The following CD99 variants were observed in gnomAD, a reference collection of about 807,000 sequenced individuals.
CD99 encodes the protein CD99 molecule (Xg blood group).
A neutral mutation model predicts 28.4 loss-of-function variants in CD99; 19 were observed. The ratio of observed to expected loss-of-function variants is 0.67; its 90% confidence interval spans 0.47 to 0.98. CD99 has a LOEUF of 0.98. Among genes scored for constraint, CD99 ranks in the 50% least tolerant of loss-of-function variants. CD99 has a pLI of 0.00. For synonymous variants in CD99, 103 were observed against 92.1 expected, an observed-to-expected ratio of 1.12 and a Z score of -0.67; for missense variants, 283 against 248.8, an observed-to-expected ratio of 1.14 and a Z score of -0.92.
At chrX:2,727,221 G>GT in intron 8 of CD99, 2 of 747,200 alleles carry the variant, frequency 2.7e-6, no homozygotes, top group Non-Finnish European at 5.0e-6. Flanking sequence ...GACCTGGGAA[G>GT]TTTCTTGGAT....
At chrX:2,710,797 T>A (rs1297760015) in intron 1 of CD99, among the ~76,000 whole-genome samples, 1 of 151,376 alleles carries the variant, frequency 6.6e-6, no homozygotes, top group African/African-American at 2.4e-5. Context: ...TTGAGGAAAT[T>A]GAAACAGTTA....
chrX:2,693,031 C>T (rs1402633549), intron 1 of CD99, among the ~76,000 whole-genome samples: 1 of 152,146 alleles, frequency 6.6e-6, no homozygotes, highest in Non-Finnish European at 1.5e-5. Flanking sequence ...GCCCTAGGGA[C>T]AGATTTGCCG....
At chrX:2,738,084 C>G (rs771209967) in intron 8 of CD99, 116 bp from the exon 9 acceptor site, 13 of 909,974 alleles carry the variant, frequency 1.4e-5, no homozygotes, top group Non-Finnish European at 2.2e-5. Context: ...ACTGAGTGCT[C>G]TCATCCAAGC....
At chrX:2,740,106 A>G (rs1231691194) in intron 9 of CD99, among the ~76,000 whole-genome samples, 3 of 151,764 alleles carry the variant, frequency 2.0e-5, no homozygotes, top group Non-Finnish European at 4.4e-5. Context: ...AATAATAATA[A>G]TAATAATAAA....
At chrX:2,737,876 T>A (rs2050024087) in intron 8 of CD99, 2 of 499,978 alleles carry the variant, frequency 4.0e-6, no homozygotes, top group Non-Finnish European at 7.4e-6. Context: ...TTTTTTTTTT[T>A]ATAGAAAGAG....
intron 1 of CD99, among the ~76,000 whole-genome samples, chrX:2,702,467 C>T (rs1311981472): frequency 6.6e-6 from 1 of 152,186 alleles, no homozygotes; most frequent in Non-Finnish European, 1.5e-5. Flanking sequence ...CTGTTATTAA[C>T]TTGTTTTAAC....
At position 2,731,630 on chromosome X, in the gene CD99, G is replaced by T. The variant is rs750437463; in HGVS notation, c.475+5257G>T. Among the ~76,000 whole-genome samples, 4 of 152,162 alleles carry T rather than the reference G, an allele frequency of 2.6e-5. No homozygotes were observed. In the South Asian group the frequency reaches 6.2e-4, roughly 24 times the overall value. On this transcript the variant is annotated intron_variant, in intron 8 of 9. Transcript: ENST00000381192. The stretch of plus-strand genomic sequence containing the variant: ...AAGAAAAACCATGCCCAGTTTTGGG[G>T]ATACTGTTATTCTACCAGACAGGCT...
chrX:2,735,797 C>A (rs1218132292), intron 8 of CD99, among the ~76,000 whole-genome samples: 1 of 152,088 alleles, frequency 6.6e-6, no homozygotes, highest in Non-Finnish European at 1.5e-5. Context: ...TTTCTTAAAT[C>A]AAAGAATTTG....
chrX:2,736,159 G>A (rs186998932), intron 8 of CD99, among the ~76,000 whole-genome samples: 160 of 149,244 alleles, frequency 1.1e-3, no homozygotes, highest in Middle Eastern at 6.9e-3. Flanking sequence ...CCGAGATCGC[G>A]CCACTGCGTT....
chrX:2,695,693 G>A (rs1306470663), intron 1 of CD99, among the ~76,000 whole-genome samples: 1 of 150,702 alleles, frequency 6.6e-6, no homozygotes, highest in Non-Finnish European at 1.5e-5. Flanking sequence ...GAGTGCAATG[G>A]CAGGATCTTG....
At chrX:2,692,586 G>T (rs1260471639) in intron 1 of CD99, among the ~76,000 whole-genome samples, 8 of 152,202 alleles carry the variant, frequency 5.3e-5, no homozygotes, top group African/African-American at 1.9e-4. Flanking sequence ...AGCCTGCTCC[G>T]TAGAGGAAAA....
At chrX:2,706,226 G>C (rs1210327910) in intron 1 of CD99, among the ~76,000 whole-genome samples, 1 of 152,100 alleles carries the variant, frequency 6.6e-6, no homozygotes, top group Admixed American at 6.5e-5. Context: ...CGGGCGTGGT[G>C]GTGGGCACCT....
chrX:2,722,726 A>G (rs746893848), intron 6 of CD99, 52 bp downstream of exon 6: 1 of 1,538,262 alleles, frequency 6.5e-7, no homozygotes, highest in Non-Finnish European at 9.0e-7. Flanking sequence ...CATGATGCCC[A>G]CCTGCTCTGT....
chrX:2,726,952 A>G (rs1358950369), intron 8 of CD99, among the ~76,000 whole-genome samples: 1 of 152,142 alleles, frequency 6.6e-6, no homozygotes, highest in Non-Finnish European at 1.5e-5. Flanking sequence ...CCTGGGTAAC[A>G]TGGTGAAACC....
intron 7 of CD99, 127 bp downstream of exon 7, chrX:2,723,491 T>C: frequency 9.3e-7 from 1 of 1,075,902 alleles, no homozygotes; most frequent in Admixed American, 1.7e-5. Context: ...GAGGCACGGG[T>C]GTTCTGTGCC....
chrX:2,733,549 A>G, intron 8 of CD99: 2 of 650,368 alleles, frequency 3.1e-6, no homozygotes, highest in South Asian at 4.2e-5. Context: ...TCAGTTCCAT[A>G]TGCTTTTGCC....
At chrX:2,704,397 C>T (rs2048024331) in intron 1 of CD99, among the ~76,000 whole-genome samples, 1 of 140,568 alleles carries the variant, frequency 7.1e-6, no homozygotes, top group Non-Finnish European at 1.6e-5. Flanking sequence ...GAAGTATATG[C>T]AGTTTAACCA....
intron 1 of CD99, among the ~76,000 whole-genome samples, chrX:2,695,435 A>G (rs1369426701): frequency 6.6e-6 from 1 of 151,756 alleles, no homozygotes; most frequent in Non-Finnish European, 1.5e-5. Flanking sequence ...TATTTTTTTG[A>G]GGTGGGGTCT....
chrX:2,717,246 G>A (rs1386402680), intron 2 of CD99: 1 of 203,144 alleles, frequency 4.9e-6, no homozygotes, highest in Admixed American at 5.4e-5. Flanking sequence ...TACTCGGGAG[G>A]CTGAGGCAGG....
Sources: allele counts gnomAD v4.1 joint callset (sites outside exome capture counted in the v4.1 genomes callset), GRCh38; gene constraint gnomAD v4.1.1; transcripts MANE v1.5; gene names NCBI Gene and HGNC (gene_info 2026-07-23, HGNC 2026-07-21).